MYO1H: variants seen among roughly 807,000 people sequenced by gnomAD.
MYO1H encodes the protein myosin IH, also known as unconventional myosin-Ih.
MYO1H carries 118 observed loss-of-function variants against 149.3 expected under a neutral mutation model. That is an observed-to-expected ratio of 0.79 (90% CI 0.68 to 0.92). MYO1H has a LOEUF of 0.92. Among genes scored for constraint, MYO1H ranks in the 40% least tolerant of loss-of-function variants. The probability of loss-of-function intolerance (pLI) is 0.00; values close to 1 mark genes in which losing one functional copy is unlikely to be tolerated. For missense variants in MYO1H, 1,212 were observed against 1,280.7 expected, an observed-to-expected ratio of 0.95 and a Z score of 0.82; for synonymous variants, 447 against 465.2, an observed-to-expected ratio of 0.96 and a Z score of 0.50.
the MYO1H span, among the ~76,000 whole-genome samples, chr12:109,320,139 G>T: frequency 6.6e-6 from 1 of 151,472 alleles, no homozygotes; most frequent in Non-Finnish European, 1.5e-5. Context: ...CTGAGAGATT[G>T]TCTCTACAAA....
chr12:109,433,082 C>T, intron 20 of MYO1H, 72 bp downstream of exon 20: 1 of 1,242,272 alleles, frequency 8.0e-7, no homozygotes, highest in East Asian at 2.3e-5. Flanking sequence ...GATCCGTATC[C>T]ATCTAGAGCC....
At chr12:109,337,732 C>G in the MYO1H span, among the ~76,000 whole-genome samples, 3 of 152,108 alleles carry the variant, frequency 2.0e-5, no homozygotes, top group African/African-American at 7.2e-5. Flanking sequence ...GGGACACAGC[C>G]AAACCATATC....
At chr12:109,413,451 G>T in intron 14 of MYO1H, among the ~76,000 whole-genome samples, 1 of 152,326 alleles carries the variant, frequency 6.6e-6, no homozygotes, top group East Asian at 1.9e-4. Context: ...GTAGAATACT[G>T]AAAGGATATA....
At chr12:109,318,967 G>GTTT in the MYO1H span, among the ~76,000 whole-genome samples, 360 of 79,474 alleles carry the variant, frequency 4.5e-3, 9 homozygotes, top group African/African-American at 0.011. Flanking sequence ...TGCGTTTTTG[G>GTTT]TTTTGTTTTT....
intron 1 of MYO1H, among the ~76,000 whole-genome samples, chr12:109,384,029 C>A (rs751801293): frequency 1.8e-4 from 27 of 152,194 alleles, no homozygotes; most frequent in South Asian, 4.1e-4. Context: ...TAATGTCCTG[C>A]AAGGGTAAAT....
At chr12:109,334,158 A>G in the MYO1H span, among the ~76,000 whole-genome samples, 1 of 152,042 alleles carries the variant, frequency 6.6e-6, no homozygotes, top group Non-Finnish European at 1.5e-5. Context: ...CTGGGATTAC[A>G]GGCATACACT....
chr12:109,337,126 A>G, the MYO1H span, among the ~76,000 whole-genome samples: 2 of 152,232 alleles, frequency 1.3e-5, no homozygotes, highest in Non-Finnish European at 2.9e-5. Flanking sequence ...AATGACTATG[A>G]TACATTGTAA....
At chr12:109,350,027 C>T (rs1014919791) in intron 1 of MYO1H, among the ~76,000 whole-genome samples, 3 of 150,230 alleles carry the variant, frequency 2.0e-5, no homozygotes, top group Non-Finnish European at 3.0e-5. Context: ...AGAGATGGAA[C>T]CATTCAGAAA....
chr12:109,422,530 C>T (rs749495486), intron 16 of MYO1H, among the ~76,000 whole-genome samples: 9 of 152,172 alleles, frequency 5.9e-5, no homozygotes, highest in Non-Finnish European at 1.3e-4. Context: ...TGGGCGACAG[C>T]GTTTCTCTAA....
chr12:109,439,729 A>ATC lies in MYO1H; in HGVS notation c.2394_2395dup (p.His799LeufsTer13). 6.2e-7 allele frequency: 1 copy of ATC among 1,613,974 alleles called. No individual in the cohort carries two copies. The highest frequency in any genetic ancestry group is 8.5e-7 in the Non-Finnish European group (1 of 1,179,862). Reference sequence around the variant, plus strand: ...AAGAATTACATCTTGAATCTCCGGTATCACCTTCCAAAGACTGTCCTGGAC... The same window carrying ATC: ...AAGAATTACATCTTGAATCTCCGGTATCTCACCTTCCAAAGACTGTCCTGGAC... On this transcript the variant is annotated frameshift_variant, in exon 24 of 32. Coordinates refer to ENST00000310903, the Ensembl canonical transcript of MYO1H. LOFTEE classifies it high-confidence loss of function.
the MYO1H span, among the ~76,000 whole-genome samples, chr12:109,315,868 A>G: frequency 2.0e-5 from 3 of 152,248 alleles, no homozygotes; most frequent in African/African-American, 7.2e-5. Flanking sequence ...TAGCTAATAC[A>G]AAGAATGAGT....
At chr12:109,339,231 G>A in the MYO1H span, among the ~76,000 whole-genome samples, 1 of 152,098 alleles carries the variant, frequency 6.6e-6, no homozygotes, top group Non-Finnish European at 1.5e-5. Flanking sequence ...CAGAAGTGGT[G>A]GCAGGCACCT....
rs1382207848 is a variant in MYO1H at position 109,427,464 on chromosome 12, C to T, written c.1832-5C>T. On this transcript the variant is annotated splice_polypyrimidine_tract_variant and splice_region_variant and intron_variant, in intron 18 of 31. Coordinates refer to ENST00000310903, the Ensembl canonical transcript of MYO1H. ...CCTGTCATTCTCTGTTCTATTTCTC[C>T]AAAGGCAAATTTGATGACTTCCTCA... 2 of 1,597,556 alleles carry T rather than the reference C, an allele frequency of 1.3e-6. No individual in the cohort carries two copies. The highest frequency in any genetic ancestry group is 2.7e-5 in the African/African-American group (2 of 74,504).
At chr12:109,437,435 T>A (rs963610501) in intron 22 of MYO1H, among the ~76,000 whole-genome samples, 1 of 152,226 alleles carries the variant, frequency 6.6e-6, no homozygotes, top group African/African-American at 2.4e-5. Context: ...TAGATTTAGT[T>A]ATTCATTTGC....
At chr12:109,333,828 T>C in the MYO1H span, among the ~76,000 whole-genome samples, 3 of 152,176 alleles carry the variant, frequency 2.0e-5, no homozygotes, top group Non-Finnish European at 4.4e-5. Flanking sequence ...GATGGGTTTA[T>C]CAGGATGTAA....
intron 13 of MYO1H, 80 bp downstream of exon 13, chr12:109,410,848 A>AG (rs1248723895): frequency 9.8e-7 from 1 of 1,021,470 alleles, no homozygotes; most frequent in East Asian, 2.6e-5. Flanking sequence ...AGGCTTAAAA[A>AG]GGGTTGAGCC....
Position 109,401,292 on chromosome 12 carries a change from G to A in MYO1H, c.750+20G>A. On this transcript the variant is annotated intron_variant, in intron 6 of 31. Transcript: ENST00000310903. The stretch of plus-strand genomic sequence containing the variant: ...TCACAGGTGGGAAGGACCAGCACCT[G>A]GCTTTGGTGACTCTTTGGAGCAGGG... 1.3e-6 allele frequency: 2 copies of A among 1,594,198 alleles called. No homozygotes were observed. The highest frequency in any genetic ancestry group is 1.7e-6 in the Non-Finnish European group (2 of 1,168,686).
At position 109,441,807 on chromosome 12, in the gene MYO1H, G is replaced by C. The variant is rs910464750; in HGVS notation, c.2632+99G>C. 4 of 792,896 alleles carry C rather than the reference G, an allele frequency of 5.0e-6. No homozygotes were observed. The African/African-American group carries it at 7.0e-5, about 14-fold the overall frequency. 49.1% of individuals were successfully genotyped at this position (792,896 alleles called of 1,614,324 possible). ...CATGCCCATAATCTCAGCACTTTGG[G>C]AGGCCGAGGTGGGCGGATTGCCTGA... On this transcript the variant is annotated intron_variant, in intron 26 of 31. Transcript: ENST00000310903.
intron 1 of MYO1H, among the ~76,000 whole-genome samples, chr12:109,352,840 G>A (rs577567897): frequency 1.1e-4 from 17 of 152,026 alleles, no homozygotes; most frequent in Middle Eastern, 6.8e-3. Flanking sequence ...TTTTTCTTTC[G>A]AGGTAAATAG....
Sources: allele counts gnomAD v4.1 joint callset (sites outside exome capture counted in the v4.1 genomes callset), GRCh38; gene constraint gnomAD v4.1.1; transcripts MANE v1.5; gene names NCBI Gene and HGNC (gene_info 2026-07-23, HGNC 2026-07-21).